Variants in B3GALT1 observed in about 807,000 individuals in gnomAD.
B3GALT1 encodes beta-1,3-galactosyltransferase 1, also known as UDP-Gal:betaGlcNAc beta 1,3-galactosyltransferase, polypeptide 1.
B3GALT1 carries 10 observed loss-of-function variants against 23.2 expected under a neutral mutation model. The ratio of observed to expected loss-of-function variants is 0.43; its 90% CI spans 0.27 to 0.73. The LOEUF is 0.73. Ranked by LOEUF, B3GALT1 falls within the 30% of genes least tolerant of loss-of-function variation. The pLI is 0.21. For missense variants in B3GALT1, 299 were observed against 405.4 expected (o/e 0.74, Z 2.25); for synonymous variants, 156 against 141.5 (o/e 1.10, Z -0.73).
intron 1 of B3GALT1, among the ~76,000 whole-genome samples, chr2:167,366,172 T>A (rs1697581485): frequency 6.6e-6 from 1 of 152,232 alleles, no homozygotes; most frequent in Non-Finnish European, 1.5e-5. Flanking sequence ...ATAGCAACAC[T>A]TGGTTTATGA....
chr2:167,559,639 C>T lies in B3GALT1; in HGVS notation c.-410+69362C>T, dbSNP rs371033850. Among the ~76,000 whole-genome samples, 362 of 152,176 alleles carry T rather than the reference C, an allele frequency of 2.4e-3. 12 individuals carry two copies. In the East Asian group the frequency reaches 0.055, roughly 23 times the overall value. On this transcript the variant is annotated intron_variant, in intron 2 of 4. Coordinates refer to ENST00000392690, the MANE Select transcript of B3GALT1 (RefSeq NM_020981.4). ...GCTGATGGAGCTGAAAGCCAAGGCT[C>T]GAGAACTACGTGAAGAATGCAGAAG... is the stretch of plus-strand genomic sequence containing the variant.
intron 3 of B3GALT1, among the ~76,000 whole-genome samples, chr2:167,695,955 T>C (rs1686785682): frequency 6.6e-6 from 1 of 152,142 alleles, no homozygotes; most frequent in Non-Finnish European, 1.5e-5. Context: ...ATTTTCTTTT[T>C]TAAGAAGTTA....
intron 4 of B3GALT1, among the ~76,000 whole-genome samples, chr2:167,831,933 C>T (rs746323522): frequency 6.6e-6 from 1 of 152,106 alleles, no homozygotes; most frequent in Admixed American, 6.5e-5. Context: ...AATAGTTCGC[C>T]AAATGGTTAC....
intron 3 of B3GALT1, among the ~76,000 whole-genome samples, chr2:167,770,698 A>G (rs1257287008): frequency 6.6e-6 from 1 of 152,144 alleles, no homozygotes; most frequent in East Asian, 1.9e-4. Context: ...TGCCTTACCC[A>G]AGGTCACAAA....
intron 3 of B3GALT1, among the ~76,000 whole-genome samples, chr2:167,756,546 T>C (rs910695443): frequency 6.6e-6 from 1 of 152,198 alleles, no homozygotes; most frequent in African/African-American, 2.4e-5. Flanking sequence ...TAATTAATTT[T>C]GGCTCGGCAG....
rs77432531 is a variant in B3GALT1 at position 167,435,688 on chromosome 2, A to C, written c.-510-54489A>C. On this transcript the variant is annotated intron_variant, in intron 1 of 4. Transcript: ENST00000392690. The stretch of plus-strand genomic sequence containing the variant: ...CTCAAAGATACATAGACGACTTTAA[A>C]ATGTTTCCATGGGTTAAATTTGTGT... Among the ~76,000 whole-genome samples, 104 of 152,146 alleles carry C rather than the reference A, an allele frequency of 6.8e-4. No individual in the cohort carries two copies. The East Asian group carries it at 0.015, about 22-fold the overall frequency.
chr2:167,475,566 A>G (rs1699474426), intron 1 of B3GALT1, among the ~76,000 whole-genome samples: 1 of 152,122 alleles, frequency 6.6e-6, no homozygotes, highest in Non-Finnish European at 1.5e-5. Flanking sequence ...TTGCTGTCGA[A>G]CTTCAACTAC....
intron 4 of B3GALT1, among the ~76,000 whole-genome samples, chr2:167,858,981 T>C (rs1470434622): frequency 1.3e-5 from 2 of 152,164 alleles, no homozygotes; most frequent in Admixed American, 6.6e-5. Flanking sequence ...AGAATATCCA[T>C]TAATATCAGC....
intron 3 of B3GALT1, among the ~76,000 whole-genome samples, chr2:167,800,586 C>T (rs1688623719): frequency 6.6e-6 from 1 of 152,222 alleles, no homozygotes; most frequent in Admixed American, 6.5e-5. Flanking sequence ...GTATCTGCAT[C>T]TCAGCTTCCC....
chr2:167,306,146 A>G (rs994682067), intron 1 of B3GALT1, among the ~76,000 whole-genome samples: 4 of 152,094 alleles, frequency 2.6e-5, no homozygotes, highest in Non-Finnish European at 5.9e-5. Flanking sequence ...GAAGATGTTG[A>G]TGAATGTATT....
intron 1 of B3GALT1, among the ~76,000 whole-genome samples, chr2:167,376,617 T>A (rs539566458): frequency 3.1e-4 from 47 of 152,152 alleles, no homozygotes; most frequent in Admixed American, 9.2e-4. Context: ...GATCTTCTAG[T>A]TTGTGTGTGT....
intron 3 of B3GALT1, among the ~76,000 whole-genome samples, chr2:167,779,840 TGATAA>T: frequency 6.6e-6 from 1 of 152,362 alleles, no homozygotes; most frequent in South Asian, 2.1e-4. Context: ...AATCGCTGAA[TGATAA>T]GAGTTCTATC....
chr2:167,610,748 A>G (rs2464039), intron 2 of B3GALT1, among the ~76,000 whole-genome samples: 125,758 of 151,544 alleles, frequency 0.83, 52,307 homozygotes, highest in Admixed American at 0.89. Context: ...ACAAGTGTGC[A>G]TGTCTAGTAG....
chr2:167,501,304 G>A (rs1008177700), intron 2 of B3GALT1, among the ~76,000 whole-genome samples: 29 of 151,382 alleles, frequency 1.9e-4, no homozygotes, highest in African/African-American at 7.0e-4. Context: ...GCAAATGAAA[G>A]CAAATAAAAA....
At chr2:167,574,619 C>G (rs1684352131) in intron 2 of B3GALT1, among the ~76,000 whole-genome samples, 1 of 151,548 alleles carries the variant, frequency 6.6e-6, no homozygotes, top group South Asian at 2.1e-4. Flanking sequence ...CAAATTTTCT[C>G]ATCATTTTCT....
At chr2:167,476,938 C>A (rs796469920) in intron 1 of B3GALT1, among the ~76,000 whole-genome samples, 1 of 152,064 alleles carries the variant, frequency 6.6e-6, no homozygotes, top group Non-Finnish European at 1.5e-5. Context: ...TATTGAAGTT[C>A]CGTAAATAAT....
chr2:167,474,028 A>C (rs1418869064), intron 1 of B3GALT1, among the ~76,000 whole-genome samples: 1 of 152,220 alleles, frequency 6.6e-6, no homozygotes, highest in Non-Finnish European at 1.5e-5. Flanking sequence ...AGGCATAAAT[A>C]CATGAAATAG....
At chr2:167,641,042 T>C (rs1685644838) in intron 2 of B3GALT1, among the ~76,000 whole-genome samples, 1 of 152,168 alleles carries the variant, frequency 6.6e-6, no homozygotes, top group Admixed American at 6.6e-5. Context: ...TCCGTTAACC[T>C]CTTCCTAATC....
intron 2 of B3GALT1, among the ~76,000 whole-genome samples, chr2:167,558,671 G>A (rs867988335): frequency 2.0e-4 from 31 of 152,198 alleles, no homozygotes; most frequent in African/African-American, 2.9e-4. Context: ...CACCTGGCTC[G>A]GAGGTTCCTA....
Sources: gnomAD v4.1 joint callset for allele counts (sites outside exome capture counted in the v4.1 genomes callset) on GRCh38, gnomAD v4.1.1 for gene constraint, MANE v1.5 for transcripts, NCBI Gene and HGNC (gene_info 2026-07-23, HGNC 2026-07-21) for gene names.